EYS: variants seen among roughly 807,000 people sequenced by gnomAD.
The protein encoded by EYS is protein eyes shut homolog.
A neutral mutation model predicts 282.1 loss-of-function variants in EYS; 250 were observed. The ratio of observed to expected loss-of-function variants is 0.89; its 90% CI spans 0.80 to 0.98. The LOEUF is 0.98. Ranked by LOEUF, EYS falls within the 50% of genes least tolerant of loss-of-function variation. The pLI is 0.00. For missense variants in EYS, 4,016 were observed against 3,709.0 expected, an observed-to-expected ratio of 1.08 and a Z score of -2.15; for synonymous variants, 1,355 against 1,282.9, an observed-to-expected ratio of 1.06 and a Z score of -1.20.
chr6:63,734,688 A>C (rs954574466), intron 41 of EYS, among the ~76,000 whole-genome samples: 6 of 152,120 alleles, frequency 3.9e-5, no homozygotes, highest in African/African-American at 1.2e-4. Flanking sequence ...AGAAACTAGA[A>C]GGATAATGTT....
chr6:64,332,273 T>G (rs989434649), intron 29 of EYS, among the ~76,000 whole-genome samples: 7 of 152,174 alleles, frequency 4.6e-5, no homozygotes, highest in Admixed American at 4.6e-4. Flanking sequence ...CCCTCAATCA[T>G]AATTCAGATA....
intron 33 of EYS, among the ~76,000 whole-genome samples, chr6:64,000,358 A>G (rs2008374822): frequency 6.7e-6 from 1 of 148,806 alleles, no homozygotes; most frequent in South Asian, 2.1e-4. Context: ...CGCCAGGCTA[A>G]TTTTTTTTTG....
chr6:63,756,683 G>A (rs1769493469), intron 41 of EYS, among the ~76,000 whole-genome samples: 1 of 152,104 alleles, frequency 6.6e-6, no homozygotes, highest in Non-Finnish European at 1.5e-5. Flanking sequence ...ACCCCAAACG[G>A]AGGGACTGGC....
At chr6:64,755,497 TACACACACACACACACACAC>T (rs56705165) in intron 22 of EYS, among the ~76,000 whole-genome samples, 56 of 139,018 alleles carry the variant, frequency 4.0e-4, no homozygotes, top group Middle Eastern at 3.7e-3. Context: ...AGAACATACA[TACACACACACACACACACAC>T]ACACACACAC....
At chr6:65,664,386 A>G (rs902285007) in intron 1 of EYS, among the ~76,000 whole-genome samples, 1 of 152,190 alleles carries the variant, frequency 6.6e-6, no homozygotes, top group African/African-American at 2.4e-5. Flanking sequence ...AAGAACATCA[A>G]TCCAGGATAC....
chr6:65,446,922 TTC>T (rs1197932504), intron 5 of EYS, among the ~76,000 whole-genome samples: 2 of 151,792 alleles, frequency 1.3e-5, no homozygotes, highest in Non-Finnish European at 2.9e-5. Flanking sequence ...AAAAAAGCCA[TTC>T]TAATAATTTA....
intron 26 of EYS, among the ~76,000 whole-genome samples, chr6:64,523,837 C>T (rs1448473139): frequency 2.6e-5 from 4 of 151,504 alleles, no homozygotes; most frequent in Non-Finnish European, 5.9e-5. Flanking sequence ...CTCCTTCCTC[C>T]CTCCCATCTG....
intron 19 of EYS, among the ~76,000 whole-genome samples, chr6:64,878,492 G>A (rs1033708089): frequency 3.9e-5 from 6 of 152,078 alleles, no homozygotes; most frequent in African/African-American, 1.2e-4. Flanking sequence ...TAGTAGGCTA[G>A]GATACTCGGA....
chr6:65,450,387 T>A (rs901508857), intron 5 of EYS, among the ~76,000 whole-genome samples: 1 of 152,166 alleles, frequency 6.6e-6, no homozygotes, highest in Non-Finnish European at 1.5e-5. Flanking sequence ...AAAGTTACAT[T>A]GTATTTACGA....
intron 12 of EYS, among the ~76,000 whole-genome samples, chr6:65,099,803 TGCTGCAAATCAG>T (rs1774844323): frequency 6.6e-6 from 1 of 150,832 alleles, no homozygotes; most frequent in African/African-American, 2.4e-5. Flanking sequence ...ATCTCCGGAC[TGCTGCAAATCAG>T]AGGGTTTGGT....
intron 15 of EYS, among the ~76,000 whole-genome samples, chr6:64,929,055 C>CA (rs1268841761): frequency 1.3e-5 from 2 of 152,062 alleles, no homozygotes; most frequent in Non-Finnish European, 2.9e-5. Context: ...ACCAGGATCT[C>CA]AAAATGTGGC....
chr6:64,187,096 T>A (rs2150314674), intron 31 of EYS, among the ~76,000 whole-genome samples: 1 of 152,252 alleles, frequency 6.6e-6, no homozygotes, highest in African/African-American at 2.4e-5. Context: ...GACTAAACTC[T>A]GTCTAGATAT....
At chr6:64,488,160 T>A in intron 26 of EYS, among the ~76,000 whole-genome samples, 1 of 151,034 alleles carries the variant, frequency 6.6e-6, no homozygotes, top group Admixed American at 6.6e-5. Flanking sequence ...TAATACAATT[T>A]AAAAAAATAA....
chr6:64,910,291 A>G (rs2150075642), intron 16 of EYS, among the ~76,000 whole-genome samples: 2 of 152,292 alleles, frequency 1.3e-5, no homozygotes, highest in African/African-American at 4.8e-5. Flanking sequence ...AAGCTATTAA[A>G]GTAACCCAGT....
chr6:63,984,920 A>G (rs1767284551), intron 34 of EYS, among the ~76,000 whole-genome samples: 1 of 151,748 alleles, frequency 6.6e-6, no homozygotes, highest in African/African-American at 2.4e-5. Context: ...TTTAGTGTAA[A>G]CATTACCAAA....
At chr6:63,740,594 A>G (rs1317035713) in intron 41 of EYS, among the ~76,000 whole-genome samples, 2 of 152,236 alleles carry the variant, frequency 1.3e-5, no homozygotes, top group Admixed American at 6.5e-5. Context: ...TAATAAAGCT[A>G]TGTGTTTAAA....
rs1190624699 is a variant in EYS at position 64,902,182 on chromosome 6, T to G, written c.2777A>C (p.Glu926Ala). ...AGAGGAACATTCATTAATTTCAATTTCACACAGAGATCCAGAAAACCCAGG... is the reference window on the plus strand; with the variant it reads ...AGAGGAACATTCATTAATTTCAATTGCACACAGAGATCCAGAAAACCCAGG... Reference protein sequence around the residue: ...CRPGFSGSLCEIEINECSSEP... With the variant: ...CRPGFSGSLCAIEINECSSEP... Residue 926 changes from glutamate (E) to alanine (A), a missense_variant, in exon 18 of 43, where the codon GAA becomes GCA. Glu to Ala is a moderately radical substitution (Grantham distance 107, BLOSUM62 -1). Coordinates refer to ENST00000503581, the MANE Select transcript of EYS (RefSeq NM_001142800.2). The G allele has an allele frequency of 1.9e-6, 3 of 1,550,644 alleles. No individual in the cohort carries two copies. In the African/African-American group the frequency reaches 4.1e-5, roughly 21 times the overall value.
chr6:64,545,135 A>T (rs2149801416), intron 26 of EYS, among the ~76,000 whole-genome samples: 1 of 152,334 alleles, frequency 6.6e-6, no homozygotes, highest in Non-Finnish European at 1.5e-5. Flanking sequence ...AATACTGGTA[A>T]ACCAAATCCA....
At chr6:64,424,654 A>C (rs551055808) in intron 28 of EYS, among the ~76,000 whole-genome samples, 60 of 152,288 alleles carry the variant, frequency 3.9e-4, no homozygotes, top group African/African-American at 1.4e-3. Context: ...CCACCGTTGA[A>C]TCTCAAATCA....
Sources: allele counts gnomAD v4.1 joint callset (sites outside exome capture counted in the v4.1 genomes callset), GRCh38; gene constraint gnomAD v4.1.1; transcripts MANE v1.5; gene names NCBI Gene and HGNC (gene_info 2026-07-23, HGNC 2026-07-21).